PTK7: variants seen among roughly 807,000 people sequenced by gnomAD.
The protein encoded by PTK7 is protein tyrosine kinase 7 (inactive).
In PTK7, 39 loss-of-function variants were observed where a neutral mutation model predicts 116.6. That is an observed-to-expected ratio of 0.33 (90% CI 0.26 to 0.44). PTK7 has a LOEUF of 0.44. PTK7 is among the 20% of genes least tolerant of loss of function. PTK7 has a pLI of 1.00. For missense variants in PTK7, 1,169 were observed against 1,425.6 expected (o/e 0.82, Z 2.90); for synonymous variants, 546 against 563.6 (o/e 0.97, Z 0.44).
chr6:43,108,790 G>T (rs890606970), intron 1 of PTK7, among the ~76,000 whole-genome samples: 2 of 152,130 alleles, frequency 1.3e-5, no homozygotes, highest in African/African-American at 4.8e-5. Context: ...ACCTCAGTAG[G>T]TACAATATCT....
chr6:43,148,178 A>G (rs1391816353), intron 17 of PTK7, among the ~76,000 whole-genome samples: 2 of 150,680 alleles, frequency 1.3e-5, no homozygotes, highest in Admixed American at 6.6e-5. Flanking sequence ...ATTGGAGCCC[A>G]GGAGGTCGAG....
rs538225682 is a variant in PTK7 at position 43,145,526 on chromosome 6, G to T, written c.2640+94G>T. The T allele has an allele frequency of 7.6e-5, 79 of 1,035,976 alleles. No homozygotes were observed. The African/African-American group carries it at 1.0e-3, about 14-fold the overall frequency. The allele number at this position is 1,035,976 out of a possible 1,614,324, so 64.2% of individuals were successfully genotyped here. A position where few individuals can be genotyped will look rare whatever the true frequency, so the allele number is the denominator to read the frequency against. ...GTGGTTGGAGCACCGTGAAAACCTT[G>T]TCTCGTGCAGTCTCAGCCGAGACCT... On this transcript the variant is annotated intron_variant, in intron 16 of 19. Transcript: ENST00000230419. This position sits in a 1 kb window ranked among gnomAD's most constrained non-coding sequence, Gnocchi z 4.8.
chr6:43,128,865 C>T (rs983481822), intron 1 of PTK7, 112 bp from the exon 2 acceptor site: 8 of 1,139,988 alleles, frequency 7.0e-6, no homozygotes, highest in Non-Finnish European at 9.9e-6. Context: ...CCTGCACTTA[C>T]TGGACGCCTC....
At chr6:43,104,577 A>T (rs1296630207) in intron 1 of PTK7, among the ~76,000 whole-genome samples, 2 of 151,914 alleles carry the variant, frequency 1.3e-5, no homozygotes, top group Admixed American at 6.6e-5. Context: ...CGCCTAGCTA[A>T]TTTTTGTATT....
intron 7 of PTK7, among the ~76,000 whole-genome samples, chr6:43,135,861 C>G (rs1330389033): frequency 1.3e-5 from 2 of 152,156 alleles, no homozygotes; most frequent in Non-Finnish European, 1.5e-5. Flanking sequence ...TTGAGACCAG[C>G]CTGGCCAACA....
chr6:43,128,093 C>T (rs1298098028), intron 1 of PTK7, among the ~76,000 whole-genome samples: 1 of 152,156 alleles, frequency 6.6e-6, no homozygotes, highest in Non-Finnish European at 1.5e-5. Flanking sequence ...TCAAAGCGTC[C>T]CATCTGTGGC....
intron 1 of PTK7, among the ~76,000 whole-genome samples, chr6:43,090,496 T>A (rs1264870534): frequency 6.6e-6 from 1 of 152,130 alleles, no homozygotes; most frequent in Non-Finnish European, 1.5e-5. Flanking sequence ...GTCACAGGTA[T>A]TTGTGGAGAG....
rs765624141 is a variant in PTK7 at position 43,076,505 on chromosome 6, G to T, written c.17G>T (p.Gly6Val). The T allele has an allele frequency of 1.9e-6, 3 of 1,571,636 alleles. No individual in the cohort carries two copies. Among genetic ancestry groups the T allele is most frequent in the South Asian group, 1.1e-5 (1 of 87,062 alleles). The change falls in exon 1 of 20, where the codon GGA (glycine) becomes GTA (valine). Residue 6 changes from glycine to valine, a missense_variant. This residue lies in a region of PTK7 where 487 missense variants were observed against 549.8 expected (regional missense o/e 0.89). Coordinates refer to ENST00000230419, the MANE Select transcript of PTK7 (RefSeq NM_002821.5). The surrounding 1 kb of genome is among the most constrained non-coding windows in gnomAD (Gnocchi z 5.7). MGAAR[G>V]SPARPRRLPL... ...CCCGCCGCGATGGGAGCTGCGCGGGGATCCCCGGCCAGACCCCGCCGGTTG... is the reference window on the plus strand; with the variant it reads ...CCCGCCGCGATGGGAGCTGCGCGGGTATCCCCGGCCAGACCCCGCCGGTTG...
chr6:43,154,158 G>C (rs978076224), intron 17 of PTK7, among the ~76,000 whole-genome samples: 40 of 139,388 alleles, frequency 2.9e-4, no homozygotes, highest in African/African-American at 1.1e-3. Context: ...GCAAGACTCA[G>C]TCTCTAAATA....
chr6:43,109,180 C>T (rs921900964), intron 1 of PTK7, among the ~76,000 whole-genome samples: 7 of 152,122 alleles, frequency 4.6e-5, no homozygotes, highest in African/African-American at 9.7e-5. Flanking sequence ...ATGGGAGCCT[C>T]TTCAAGCTGA....
chr6:43,110,328 T>C (rs17516786), intron 1 of PTK7, among the ~76,000 whole-genome samples: 30,112 of 151,792 alleles, frequency 0.2, 3,476 homozygotes, highest in East Asian at 0.37. Context: ...TTTATGTTTG[T>C]TTTGAGAACT....
intron 17 of PTK7, among the ~76,000 whole-genome samples, chr6:43,153,585 T>C (rs921346254): frequency 3.9e-5 from 6 of 152,194 alleles, no homozygotes; most frequent in African/African-American, 1.4e-4. Context: ...AATTTTTAAA[T>C]GTTCTTTAGA....
Position 43,132,061 on chromosome 6 carries a change from G to A in PTK7, c.858G>A (p.Leu286=). The A allele has an allele frequency of 6.2e-7, 1 of 1,614,094 alleles. No individual in the cohort carries two copies. The stretch of plus-strand genomic sequence containing the variant: ...CCACAGTGTTTGCCAACGGGTCTCT[G>A]CTGCTGACCCAGGTCCGGCCACGCA... ...RRATVFANGS[L]LLTQVRPRNA... Residue 286 remains leucine, a synonymous_variant, in exon 6 of 20, where the codon CTG becomes CTA. Coordinates refer to ENST00000230419, the MANE Select transcript of PTK7 (RefSeq NM_002821.5).
intron 1 of PTK7, among the ~76,000 whole-genome samples, chr6:43,087,251 G>T (rs1232338450): frequency 6.6e-6 from 1 of 152,200 alleles, no homozygotes; most frequent in African/African-American, 2.4e-5. Flanking sequence ...CCCCTTCCCT[G>T]TGAGAGGATT....
intron 1 of PTK7, among the ~76,000 whole-genome samples, chr6:43,115,558 G>A (rs181787583): frequency 6.6e-6 from 1 of 152,208 alleles, no homozygotes. Context: ...CTTGTCTCCG[G>A]TGCATTGTTA....
intron 1 of PTK7, among the ~76,000 whole-genome samples, chr6:43,100,348 AC>A (rs1767499782): frequency 6.6e-6 from 1 of 150,984 alleles, no homozygotes; most frequent in Admixed American, 6.6e-5. Context: ...ACACCACTGC[AC>A]TCCAGCCTGG....
chr6:43,090,227 A>G (rs1304721703), intron 1 of PTK7, among the ~76,000 whole-genome samples: 2 of 152,076 alleles, frequency 1.3e-5, no homozygotes, highest in Admixed American at 6.5e-5. Flanking sequence ...GCCCCTTCCC[A>G]CTCTGCCTGG....
At chr6:43,103,367 A>C (rs370958200) in intron 1 of PTK7, among the ~76,000 whole-genome samples, 1 of 152,220 alleles carries the variant, frequency 6.6e-6, no homozygotes, top group Non-Finnish European at 1.5e-5. Flanking sequence ...AGCAAGCAAC[A>C]AGGCTTTAAT....
chr6:43,092,065 G>A (rs1490099535), intron 1 of PTK7, among the ~76,000 whole-genome samples: 1 of 152,132 alleles, frequency 6.6e-6, no homozygotes, highest in Non-Finnish European at 1.5e-5. Context: ...GCTTCACCAT[G>A]TTGGTCAGGC....
Sources: allele counts gnomAD v4.1 joint callset (sites outside exome capture counted in the v4.1 genomes callset), GRCh38; gene constraint gnomAD v4.1.1; regional missense constraint gnomAD v4.1.1; non-coding constraint Gnocchi (gnomAD v3.1); transcripts MANE v1.5; gene names NCBI Gene and HGNC (gene_info 2026-07-23, HGNC 2026-07-21).